Variants in EDIL3 observed in about 807,000 individuals in gnomAD.
The protein encoded by EDIL3 is EGF-like repeat and discoidin I-like domain-containing protein 3.
Under a neutral mutation model 67.4 loss-of-function variants are expected in EDIL3, and 37 were observed. That is an observed-to-expected ratio of 0.55 (90% CI 0.42 to 0.72). EDIL3 has a LOEUF of 0.72. Ranked by LOEUF, EDIL3 falls within the 30% of genes least tolerant of loss-of-function variation. The pLI, the probability that EDIL3 is intolerant of heterozygous loss-of-function variation, is 0.00. For missense variants in EDIL3, 527 were observed against 586.3 expected (o/e 0.90, Z 1.04); for synonymous variants, 195 against 196.3 (o/e 0.99, Z 0.05).
intron 2 of EDIL3, among the ~76,000 whole-genome samples, chr5:84,238,593 A>T (rs1267702866): frequency 6.7e-6 from 1 of 150,124 alleles, no homozygotes; most frequent in Non-Finnish European, 1.5e-5. Flanking sequence ...TACTGCCTTT[A>T]TGTAACAGTG....
chr5:84,195,105 C>T (rs1743678192), intron 3 of EDIL3, among the ~76,000 whole-genome samples: 1 of 151,836 alleles, frequency 6.6e-6, no homozygotes, highest in African/African-American at 2.4e-5. Context: ...ACAATGTCAC[C>T]ATCTGAATGG....
At chr5:84,352,119 T>G (rs1561265763) in intron 1 of EDIL3, among the ~76,000 whole-genome samples, 1 of 152,016 alleles carries the variant, frequency 6.6e-6, no homozygotes, top group African/African-American at 2.4e-5. Context: ...TGACTTCTAT[T>G]AAAAAAATTA....
intron 9 of EDIL3, among the ~76,000 whole-genome samples, chr5:83,988,672 T>C (rs1342561506): frequency 6.6e-6 from 1 of 152,176 alleles, no homozygotes; most frequent in Non-Finnish European, 1.5e-5. Context: ...ATACAACTGC[T>C]TGCAGTGTCA....
chr5:84,006,515 A>G (rs1010332926), intron 9 of EDIL3, among the ~76,000 whole-genome samples: 2 of 152,172 alleles, frequency 1.3e-5, no homozygotes, highest in Admixed American at 1.3e-4. Flanking sequence ...AGTGCAAGCT[A>G]AACATTGAGT....
chr5:84,142,465 T>C (rs1232706731), intron 4 of EDIL3, among the ~76,000 whole-genome samples: 1 of 152,044 alleles, frequency 6.6e-6, no homozygotes, highest in Non-Finnish European at 1.5e-5. Flanking sequence ...AGAGTAGGAA[T>C]GGTAGCAGTT....
chr5:84,086,357 C>G (rs763800894), intron 6 of EDIL3, among the ~76,000 whole-genome samples: 24 of 152,178 alleles, frequency 1.6e-4, no homozygotes, highest in Non-Finnish European at 2.8e-4. Context: ...GCGTAGTACC[C>G]AGGATGGGTA....
At chr5:84,291,885 A>C (rs1227661057) in intron 1 of EDIL3, among the ~76,000 whole-genome samples, 4 of 151,232 alleles carry the variant, frequency 2.6e-5, no homozygotes. Context: ...TAACTTTAAC[A>C]AAAGTATAGC....
intron 6 of EDIL3, among the ~76,000 whole-genome samples, chr5:84,086,728 A>T (rs1747079172): frequency 6.6e-6 from 1 of 152,182 alleles, no homozygotes; most frequent in Admixed American, 6.5e-5. Flanking sequence ...TAGGTATGAG[A>T]CAGTTCAGTT....
intron 9 of EDIL3, among the ~76,000 whole-genome samples, chr5:83,987,869 GTATATATATA>G (rs34360330): frequency 4.3e-5 from 6 of 138,420 alleles, no homozygotes; most frequent in African/African-American, 1.7e-4. Context: ...GTGTGTGTAT[GTATATATATA>G]TATATATATA....
At chr5:84,120,607 G>A (rs983207829) in intron 5 of EDIL3, among the ~76,000 whole-genome samples, 6 of 151,806 alleles carry the variant, frequency 4.0e-5, no homozygotes, top group East Asian at 1.9e-4. Context: ...TAAAAATTCC[G>A]TTTTACAAAT....
intron 3 of EDIL3, among the ~76,000 whole-genome samples, chr5:84,228,902 A>G (rs1296455756): frequency 6.6e-6 from 1 of 152,060 alleles, no homozygotes; most frequent in African/African-American, 2.4e-5. Flanking sequence ...CTTCCATATA[A>G]GCAAGCACCA....
intron 4 of EDIL3, among the ~76,000 whole-genome samples, chr5:84,139,259 C>T (rs900076247): frequency 1.4e-5 from 2 of 143,176 alleles, no homozygotes; most frequent in Non-Finnish European, 3.0e-5. Context: ...GTATGATAGA[C>T]TCCTAAATAT....
chr5:84,091,069 C>G (rs114349430), intron 6 of EDIL3, among the ~76,000 whole-genome samples: 1 of 152,178 alleles, frequency 6.6e-6, no homozygotes, highest in South Asian at 2.1e-4. Flanking sequence ...ACTGCTCCCC[C>G]TCAAAATAAA....
chr5:84,297,649 C>T (rs1191686199), intron 1 of EDIL3, among the ~76,000 whole-genome samples: 4 of 152,192 alleles, frequency 2.6e-5, no homozygotes, highest in East Asian at 1.9e-4. Flanking sequence ...GAGAAGCCCC[C>T]GAGCTCTGGG....
intron 4 of EDIL3, among the ~76,000 whole-genome samples, chr5:84,172,705 C>T (rs1422259446): frequency 2.0e-5 from 3 of 152,160 alleles, no homozygotes; most frequent in Non-Finnish European, 4.4e-5. Flanking sequence ...TGTACAACCA[C>T]CAGTACTGTA....
chr5:84,204,582 T>C (rs1743917812), intron 3 of EDIL3, among the ~76,000 whole-genome samples: 1 of 152,066 alleles, frequency 6.6e-6, no homozygotes, highest in Non-Finnish European at 1.5e-5. Context: ...ATCCAATTAT[T>C]TTCCATATCT....
intron 10 of EDIL3, among the ~76,000 whole-genome samples, chr5:83,953,712 A>T (rs1257805199): frequency 6.6e-6 from 1 of 151,822 alleles, no homozygotes. Flanking sequence ...CTCTTCACAC[A>T]GGTATAATAA....
chr5:84,349,485 T>G (rs941662619), intron 1 of EDIL3, among the ~76,000 whole-genome samples: 1 of 152,194 alleles, frequency 6.6e-6, no homozygotes, highest in Admixed American at 6.5e-5. Context: ...AAAATAATGT[T>G]TTGTGAGTCA....
chr5:84,248,765 C>A (rs573908792), intron 2 of EDIL3, among the ~76,000 whole-genome samples: 123 of 152,216 alleles, frequency 8.1e-4, no homozygotes, highest in African/African-American at 2.9e-3. Context: ...TAGTTTCTCC[C>A]AAACTCTTTT....
Sources: allele counts gnomAD v4.1 joint callset (sites outside exome capture counted in the v4.1 genomes callset), GRCh38; gene constraint gnomAD v4.1.1; transcripts MANE v1.5; gene names NCBI Gene and HGNC (gene_info 2026-07-23, HGNC 2026-07-21).